Variants in USP15 observed in about 807,000 individuals in gnomAD.
The protein encoded by USP15 is ubiquitin specific peptidase 15.
In USP15, 18 loss-of-function variants were observed where a neutral mutation model predicts 127.1. That is an observed-to-expected ratio of 0.14 (90% confidence interval 0.10 to 0.21). The LOEUF (loss-of-function observed/expected upper bound fraction) is 0.21, where lower values mean the gene tolerates loss of function less well. Ranked by LOEUF, USP15 falls within the 10% of genes least tolerant of loss-of-function variation. The probability of loss-of-function intolerance (pLI) is 1.00; values close to 1 mark genes in which losing one functional copy is unlikely to be tolerated. For missense variants in USP15, 805 were observed against 1,159.9 expected (o/e 0.69, Z 4.44); for synonymous variants, 364 against 393.7 (o/e 0.92, Z 0.89).
intron 6 of USP15, among the ~76,000 whole-genome samples, chr12:62,342,709 G>T (rs995581520): frequency 6.6e-6 from 1 of 152,106 alleles, no homozygotes; most frequent in East Asian, 1.9e-4. Flanking sequence ...GACCCTGTTC[G>T]CCTGGTTATC....
chr12:62,279,397 G>C (rs1405013719), intron 1 of USP15, among the ~76,000 whole-genome samples: 2 of 152,116 alleles, frequency 1.3e-5, no homozygotes, highest in African/African-American at 4.8e-5. Context: ...CATTAAGGTT[G>C]TTTCCGCATC....
intron 3 of USP15, among the ~76,000 whole-genome samples, chr12:62,313,102 G>A (rs1268623973): frequency 6.6e-6 from 1 of 151,428 alleles, no homozygotes; most frequent in Admixed American, 6.6e-5. Context: ...TTTCTGAGTA[G>A]TGATGATGAA....
chr12:62,376,720 G>A (rs1229682535), intron 8 of USP15, among the ~76,000 whole-genome samples: 1 of 152,166 alleles, frequency 6.6e-6, no homozygotes, highest in Non-Finnish European at 1.5e-5. Flanking sequence ...AACCATGGCT[G>A]TTGCAGAAAG....
At chr12:62,396,029 T>C (rs545342388) in intron 19 of USP15, among the ~76,000 whole-genome samples, 1 of 152,182 alleles carries the variant, frequency 6.6e-6, no homozygotes, top group Non-Finnish European at 1.5e-5. Flanking sequence ...CTCTTCAGTA[T>C]ACTCAATGAA....
In USP15 at chr12:62,381,578, G is replaced by C; in HGVS notation, c.1004G>C (p.Arg335Thr). 1 of 1,613,228 alleles carries C rather than the reference G, an allele frequency of 6.2e-7. No homozygotes were observed. Among genetic ancestry groups the C allele is most frequent in the African/African-American group, 1.3e-5 (1 of 75,016 alleles). ...ELNFDNPLGM[R>T]GEIAKSYAEL... ...AATTTTGACAATCCCTTAGGAATGA[G>C]AGGTGAAATAGCTAAATCTTATGCC... Residue 335 changes from arginine (R) to threonine (T), a missense_variant, in exon 9 of 22, where the codon AGA becomes ACA. Arg to Thr is a moderately conservative substitution (Grantham distance 71). Transcript: ENST00000280377.
At chr12:62,375,753 T>C (rs752182305) in intron 8 of USP15, among the ~76,000 whole-genome samples, 1 of 152,178 alleles carries the variant, frequency 6.6e-6, no homozygotes, top group Non-Finnish European at 1.5e-5. Context: ...CTAATTCAAA[T>C]TCGAGTACTC....
At chr12:62,349,752 A>G (rs1334189109) in intron 7 of USP15, among the ~76,000 whole-genome samples, 1 of 152,040 alleles carries the variant, frequency 6.6e-6, no homozygotes, top group African/African-American at 2.4e-5. Flanking sequence ...CAGAAAAACA[A>G]TTTCCTTACC....
chr12:62,275,964 T>A (rs2063479646), intron 1 of USP15, among the ~76,000 whole-genome samples: 1 of 150,628 alleles, frequency 6.6e-6, no homozygotes, highest in African/African-American at 2.4e-5. Flanking sequence ...TTACAGGTCA[T>A]CTTTGAAGGA....
chr12:62,294,309 C>A lies in USP15; in HGVS notation c.217+3C>A. 1 of 1,602,000 alleles carries A rather than the reference C, an allele frequency of 6.2e-7. No homozygotes were observed. The highest frequency in any genetic ancestry group is 1.1e-5 in the South Asian group (1 of 87,342). On this transcript the variant is annotated splice_donor_region_variant and intron_variant, in intron 2 of 21. Coordinates refer to ENST00000280377, the MANE Select transcript of USP15 (RefSeq NM_001252078.2). ...TGATAACTCTGGACTTCTCAAAGGTCATTATTTTCTTCCTTCAGTCAAGTT... is the reference window on the plus strand; with the variant it reads ...TGATAACTCTGGACTTCTCAAAGGTAATTATTTTCTTCCTTCAGTCAAGTT...
chr12:62,348,150 G>A (rs569467524), intron 6 of USP15, among the ~76,000 whole-genome samples: 3 of 152,284 alleles, frequency 2.0e-5, no homozygotes, highest in South Asian at 4.1e-4. Context: ...CAAGGCTGCA[G>A]TGAGCTGTGA....
In USP15 at chr12:62,299,401, G is replaced by C. The variant is rs553713827; in HGVS notation, c.218-3389G>C. On this transcript the variant is annotated intron_variant, in intron 2 of 21. Transcript: ENST00000280377. ...ACTGGGATTACAGGTGTTAGCCACTGTGCCTGGCCCAATATGAATTCTTTT... is the reference window on the plus strand; with the variant it reads ...ACTGGGATTACAGGTGTTAGCCACTCTGCCTGGCCCAATATGAATTCTTTT... Among the ~76,000 whole-genome samples the C allele has an allele frequency of 2.0e-5, 3 of 152,296 alleles. No homozygotes were observed. In the East Asian group the frequency reaches 5.8e-4, roughly 29 times the overall value.
intron 6 of USP15, among the ~76,000 whole-genome samples, chr12:62,331,834 A>G (rs1317600159): frequency 1.3e-5 from 2 of 152,218 alleles, no homozygotes; most frequent in Non-Finnish European, 2.9e-5. Flanking sequence ...CAAAGTCTGT[A>G]TTAGAGATCT....
At chr12:62,311,952 A>G (rs540479193) in intron 3 of USP15, among the ~76,000 whole-genome samples, 2 of 151,906 alleles carry the variant, frequency 1.3e-5, no homozygotes, top group African/African-American at 2.4e-5. Flanking sequence ...TATTGTGGTT[A>G]TGTTTGAGTC....
intron 7 of USP15, among the ~76,000 whole-genome samples, chr12:62,350,775 A>G (rs573660921): frequency 6.2e-4 from 95 of 152,052 alleles, no homozygotes; most frequent in African/African-American, 2.2e-3. Flanking sequence ...AGCACACGCC[A>G]CTACACCCTG....
At chr12:62,331,786 A>T (rs558420110) in intron 6 of USP15, among the ~76,000 whole-genome samples, 1 of 152,222 alleles carries the variant, frequency 6.6e-6, no homozygotes, top group Non-Finnish European at 1.5e-5. Flanking sequence ...TACAAAAAAA[A>T]TATGTGTATA....
At chr12:62,270,640 A>T (rs2063326765) in intron 1 of USP15, among the ~76,000 whole-genome samples, 2 of 152,038 alleles carry the variant, frequency 1.3e-5, no homozygotes, top group African/African-American at 2.4e-5. Flanking sequence ...CTGTGCAATT[A>T]TCTTGGTACC....
chr12:62,392,908 T>G, intron 18 of USP15, 145 bp from the exon 19 acceptor site: 2 of 751,274 alleles, frequency 2.7e-6, no homozygotes, highest in Non-Finnish European at 4.1e-6. Flanking sequence ...ATAATAAGAG[T>G]TGCTTTCAAC....
chr12:62,370,762 T>C (rs1485958774), intron 8 of USP15, among the ~76,000 whole-genome samples: 1 of 152,204 alleles, frequency 6.6e-6, no homozygotes, highest in Non-Finnish European at 1.5e-5. Context: ...TCCGTAATTC[T>C]CTCTTCTGAA....
At chr12:62,389,301 G>C (rs1192058221) in intron 11 of USP15, 130 bp from the exon 12 acceptor site, 2 of 723,438 alleles carry the variant, frequency 2.8e-6, no homozygotes, top group Non-Finnish European at 4.5e-6. Flanking sequence ...ACCCAGGATA[G>C]TGGCAAGATT....
Sources: gnomAD v4.1 joint callset for allele counts (sites outside exome capture counted in the v4.1 genomes callset) on GRCh38, gnomAD v4.1.1 for gene constraint, MANE v1.5 for transcripts, NCBI Gene and HGNC (gene_info 2026-07-23, HGNC 2026-07-21) for gene names.